Variants in LRRC4C observed in about 807,000 individuals in gnomAD.
LRRC4C encodes the protein leucine-rich repeat-containing protein 4C.
In LRRC4C, 5 loss-of-function variants were observed where a neutral mutation model predicts 33.6. The ratio of observed to expected loss-of-function variants is 0.15; its 90% CI spans 0.08 to 0.31. LRRC4C has a LOEUF of 0.31. Among genes scored for constraint, LRRC4C ranks in the 10% least tolerant of loss-of-function variants. The pLI is 1.00. For synonymous variants in LRRC4C, 329 were observed against 302.0 expected (o/e 1.09, Z -0.93); for missense variants, 560 against 796.7 (o/e 0.70, Z 3.58).
At chr11:41,207,915 G>C (rs553154474) in intron 1 of LRRC4C, among the ~76,000 whole-genome samples, 3 of 152,120 alleles carry the variant, frequency 2.0e-5, no homozygotes, top group Non-Finnish European at 2.9e-5. Context: ...GACCCTGGGT[G>C]GGGGGTAAAA....
At chr11:40,176,008 C>A (rs1590621398) in intron 5 of LRRC4C, among the ~76,000 whole-genome samples, 1 of 152,062 alleles carries the variant, frequency 6.6e-6, no homozygotes, top group Non-Finnish European at 1.5e-5. Flanking sequence ...AATGGAGATA[C>A]TCCCATTTAT....
intron 1 of LRRC4C, among the ~76,000 whole-genome samples, chr11:41,068,449 G>GA (rs889502444): frequency 1.3e-5 from 2 of 151,508 alleles, no homozygotes; most frequent in African/African-American, 4.8e-5. Flanking sequence ...GCTGTTTTTT[G>GA]AAAAAATTAA....
At chr11:41,111,125 G>A (rs1941806441) in intron 1 of LRRC4C, among the ~76,000 whole-genome samples, 1 of 151,924 alleles carries the variant, frequency 6.6e-6, no homozygotes, top group South Asian at 2.1e-4. Context: ...TATTATTATC[G>A]GCATTCTATA....
At chr11:40,131,242 A>G (rs1233206285) in intron 6 of LRRC4C, among the ~76,000 whole-genome samples, 1 of 152,200 alleles carries the variant, frequency 6.6e-6, no homozygotes, top group Non-Finnish European at 1.5e-5. Flanking sequence ...TTATATGTGA[A>G]CCAAAAAGAT....
At chr11:40,980,735 G>A (rs150781588) in intron 1 of LRRC4C, among the ~76,000 whole-genome samples, 2 of 152,122 alleles carry the variant, frequency 1.3e-5, no homozygotes, top group East Asian at 3.9e-4. Context: ...TCTATCAAAC[G>A]ATCATAAACA....
At chr11:40,502,524 T>C (rs554264153) in intron 3 of LRRC4C, among the ~76,000 whole-genome samples, 5 of 152,028 alleles carry the variant, frequency 3.3e-5, no homozygotes, top group Non-Finnish European at 7.4e-5. Context: ...GAGGCAGAAG[T>C]GAAAGTGGAA....
chr11:40,775,150 C>T (rs1370854817), intron 2 of LRRC4C, among the ~76,000 whole-genome samples: 1 of 152,068 alleles, frequency 6.6e-6, no homozygotes, highest in Non-Finnish European at 1.5e-5. Flanking sequence ...GTGGCTCACA[C>T]CTGTAATCCC....
intron 1 of LRRC4C, among the ~76,000 whole-genome samples, chr11:41,233,177 T>C (rs1947876277): frequency 6.6e-6 from 1 of 152,068 alleles, no homozygotes; most frequent in African/African-American, 2.4e-5. Context: ...TTACCACTAC[T>C]AGGAAAGATA....
At chr11:41,327,366 T>C (rs1951154208) in intron 1 of LRRC4C, among the ~76,000 whole-genome samples, 1 of 152,202 alleles carries the variant, frequency 6.6e-6, no homozygotes, top group Non-Finnish European at 1.5e-5. Context: ...AAAACACAAC[T>C]TTCTACCTTC....
chr11:40,707,681 T>G (rs1164922123), intron 2 of LRRC4C, among the ~76,000 whole-genome samples: 1 of 152,056 alleles, frequency 6.6e-6, no homozygotes, highest in Non-Finnish European at 1.5e-5. Flanking sequence ...CTTTTTTTGT[T>G]GTGTCTCTGC....
chr11:40,195,757 G>C (rs753040620), intron 5 of LRRC4C, among the ~76,000 whole-genome samples: 2 of 148,524 alleles, frequency 1.3e-5, no homozygotes, highest in African/African-American at 5.0e-5. Context: ...AAAAAAAAAA[G>C]ATTTCCTTGA....
intron 1 of LRRC4C, among the ~76,000 whole-genome samples, chr11:41,432,999 T>C (rs2138439043): frequency 6.6e-6 from 1 of 152,238 alleles, no homozygotes; most frequent in East Asian, 1.9e-4. Context: ...GACAAAGGTG[T>C]TTGGGCTATG....
intron 4 of LRRC4C, among the ~76,000 whole-genome samples, chr11:40,253,869 T>G (rs137985202): frequency 1.7e-4 from 26 of 152,326 alleles, no homozygotes; most frequent in African/African-American, 5.8e-4. Flanking sequence ...ATAAAGTGCT[T>G]ATCATACGTT....
At chr11:40,260,550 A>G (rs1867625927) in intron 4 of LRRC4C, among the ~76,000 whole-genome samples, 2 of 129,700 alleles carry the variant, frequency 1.5e-5, no homozygotes, top group Non-Finnish European at 3.0e-5. Flanking sequence ...AACTTAAAGT[A>G]AAAAAAAAAA....
chr11:41,310,031 T>C (rs2922032), intron 1 of LRRC4C, among the ~76,000 whole-genome samples: 96,127 of 152,050 alleles, frequency 0.63, 30,888 homozygotes, highest in East Asian at 0.79. Flanking sequence ...TGTCATCCCT[T>C]TCTCTGTCTC....
In LRRC4C at chr11:40,760,752, AG is replaced by A. The variant is rs749996802; in HGVS notation, c.-406-112475del. 9.3e-5 allele frequency among the ~76,000 whole-genome samples: 14 copies of A among 150,100 alleles called. No homozygotes were observed. In the South Asian group the frequency reaches 2.3e-3, roughly 25 times the overall value. ...CAGCCTCCTGTGTAGCTGAGACCACAGTCACATGCCAGCACACCTGGCCAAT... is the reference window on the plus strand; with the variant it reads ...CAGCCTCCTGTGTAGCTGAGACCACATCACATGCCAGCACACCTGGCCAAT... On this transcript the variant is annotated intron_variant, in intron 2 of 6. Coordinates refer to ENST00000528697, the MANE Select transcript of LRRC4C (RefSeq NM_001258419.2).
intron 2 of LRRC4C, among the ~76,000 whole-genome samples, chr11:40,892,092 G>A (rs1408713104): frequency 5.8e-5 from 8 of 138,794 alleles, no homozygotes; most frequent in South Asian, 2.3e-4. Flanking sequence ...TGGCGATGGC[G>A]CCACTGCACT....
At chr11:40,560,390 C>T (rs775096023) in intron 3 of LRRC4C, among the ~76,000 whole-genome samples, 6 of 151,768 alleles carry the variant, frequency 4.0e-5, no homozygotes, top group Non-Finnish European at 5.9e-5. Flanking sequence ...ATGCCAACAA[C>T]GAATTAGGTA....
intron 1 of LRRC4C, among the ~76,000 whole-genome samples, chr11:41,153,803 T>C (rs962997767): frequency 6.6e-6 from 1 of 152,132 alleles, no homozygotes; most frequent in Non-Finnish European, 1.5e-5. Flanking sequence ...TATTACCTCA[T>C]TTGGAAAAAG....
Sources: gnomAD v4.1 joint callset for allele counts (sites outside exome capture counted in the v4.1 genomes callset) on GRCh38, gnomAD v4.1.1 for gene constraint, MANE v1.5 for transcripts, NCBI Gene and HGNC (gene_info 2026-07-23, HGNC 2026-07-21) for gene names.